Variants in GRID2 observed in about 807,000 individuals in gnomAD.
The protein encoded by GRID2 is glutamate ionotropic receptor delta type subunit 2, also known as glutamate receptor ionotropic, delta-2.
GRID2 carries 33 observed loss-of-function variants against 114.8 expected under a neutral mutation model. The ratio of observed to expected loss-of-function variants is 0.29; its 90% CI spans 0.22 to 0.38. The LOEUF is 0.38. Ranked by LOEUF, GRID2 falls within the 10% of genes least tolerant of loss-of-function variation. The pLI is 1.00. For synonymous variants in GRID2, 505 were observed against 449.9 expected (o/e 1.12, Z -1.55); for missense variants, 1,184 against 1,257.7 (o/e 0.94, Z 0.89).
At chr4:93,068,598 A>C (rs1355775701) in intron 2 of GRID2, among the ~76,000 whole-genome samples, 3 of 152,020 alleles carry the variant, frequency 2.0e-5, no homozygotes, top group Non-Finnish European at 4.4e-5. Flanking sequence ...AGGGAAGAGA[A>C]TGTCTTCATC....
intron 2 of GRID2, among the ~76,000 whole-genome samples, chr4:93,076,849 C>T (rs918061118): frequency 2.0e-5 from 3 of 151,926 alleles, no homozygotes; most frequent in African/African-American, 7.3e-5. Context: ...AACTCCTGAC[C>T]TCAAGTGATC....
At chr4:92,982,504 C>A (rs543506322) in intron 2 of GRID2, among the ~76,000 whole-genome samples, 2 of 152,106 alleles carry the variant, frequency 1.3e-5, no homozygotes, top group Non-Finnish European at 2.9e-5. Flanking sequence ...TTCACACTTC[C>A]CATTTTATCA....
At chr4:92,781,925 C>T (rs894642979) in intron 2 of GRID2, among the ~76,000 whole-genome samples, 2 of 151,898 alleles carry the variant, frequency 1.3e-5, no homozygotes, top group Non-Finnish European at 2.9e-5. Flanking sequence ...ACAAATGATA[C>T]ACTGTATTGA....
intron 2 of GRID2, among the ~76,000 whole-genome samples, chr4:92,693,961 G>C (rs1734308333): frequency 6.6e-6 from 1 of 152,106 alleles, no homozygotes. Flanking sequence ...TAGGGGTTAA[G>C]AAATAAGGGA....
chr4:93,370,474 GAGAC>G (rs1301621659), intron 8 of GRID2, among the ~76,000 whole-genome samples: 2 of 134,596 alleles, frequency 1.5e-5, no homozygotes, highest in African/African-American at 2.9e-5. Context: ...CACGCACACA[GAGAC>G]ACACACACAC....
At chr4:93,136,814 T>C (rs1390506817) in intron 4 of GRID2, among the ~76,000 whole-genome samples, 1 of 152,104 alleles carries the variant, frequency 6.6e-6, no homozygotes, top group East Asian at 1.9e-4. Context: ...GACCAAGACA[T>C]CAGGGAGATA....
intron 2 of GRID2, among the ~76,000 whole-genome samples, chr4:92,927,506 T>A (rs1244514845): frequency 6.6e-6 from 1 of 151,704 alleles, no homozygotes. Flanking sequence ...TGGGTTGCAA[T>A]AACAAAAAAA....
intron 2 of GRID2, among the ~76,000 whole-genome samples, chr4:92,748,310 T>C (rs532908885): frequency 6.6e-6 from 1 of 152,256 alleles, no homozygotes; most frequent in Admixed American, 6.5e-5. Flanking sequence ...AAGGAATGTG[T>C]TGACTTCAAA....
chr4:93,466,763 A>T (rs1022791801), intron 11 of GRID2, among the ~76,000 whole-genome samples: 7 of 152,170 alleles, frequency 4.6e-5, no homozygotes, highest in Non-Finnish European at 7.4e-5. Context: ...CTCCTACCTC[A>T]GTATCAATAC....
At chr4:93,492,678 G>C (rs538710708) in intron 12 of GRID2, among the ~76,000 whole-genome samples, 25 of 151,906 alleles carry the variant, frequency 1.6e-4, no homozygotes, top group African/African-American at 6.0e-4. Flanking sequence ...CTACCATTCA[G>C]GGTAAGACTT....
chr4:92,917,428 C>A (rs928358471), intron 2 of GRID2, among the ~76,000 whole-genome samples: 1 of 152,122 alleles, frequency 6.6e-6, no homozygotes, highest in Non-Finnish European at 1.5e-5. Context: ...GACATGAAGT[C>A]CTTGCCCATG....
chr4:92,867,387 CA>C (rs1744944858), intron 2 of GRID2, among the ~76,000 whole-genome samples: 2 of 151,992 alleles, frequency 1.3e-5, no homozygotes, highest in Non-Finnish European at 2.9e-5. Context: ...CAAACACCAC[CA>C]AGAGCAGTGT....
intron 2 of GRID2, among the ~76,000 whole-genome samples, chr4:92,733,701 A>G (rs1321334762): frequency 2.6e-5 from 4 of 152,068 alleles, no homozygotes; most frequent in Admixed American, 6.6e-5. Context: ...GCACTTATCA[A>G]TCAAGGGGTT....
chr4:92,990,026 C>T (rs1754768508), intron 2 of GRID2, among the ~76,000 whole-genome samples: 2 of 152,020 alleles, frequency 1.3e-5, no homozygotes, highest in Admixed American at 1.3e-4. Context: ...TAGCACTTGT[C>T]TGGCTTTGGA....
intron 10 of GRID2, among the ~76,000 whole-genome samples, chr4:93,430,199 G>A (rs1769270251): frequency 6.6e-6 from 1 of 151,948 alleles, no homozygotes; most frequent in Non-Finnish European, 1.5e-5. Context: ...TATTTATTTA[G>A]AGATGGAGTC....
intron 2 of GRID2, among the ~76,000 whole-genome samples, chr4:92,788,704 C>A (rs932335458): frequency 2.6e-4 from 39 of 151,800 alleles, no homozygotes; most frequent in Admixed American, 1.9e-3. Flanking sequence ...AACACTTTTT[C>A]ATATGTTTAT....
At chr4:93,695,041 G>C (rs934941200) in intron 14 of GRID2, among the ~76,000 whole-genome samples, 5 of 151,950 alleles carry the variant, frequency 3.3e-5, no homozygotes, top group African/African-American at 4.8e-5. Context: ...CATGGTGGCG[G>C]GCGCCATTAG....
chr4:92,547,625 T>A (rs545087471), intron 1 of GRID2, among the ~76,000 whole-genome samples: 67 of 152,218 alleles, frequency 4.4e-4, no homozygotes, highest in Non-Finnish European at 7.4e-4. Context: ...AATACAGGAC[T>A]TATATTGTTA....
In GRID2 at chr4:93,619,473, T is replaced by A. The variant is rs551563387; in HGVS notation, c.2194-6796T>A. 2.0e-5 allele frequency among the ~76,000 whole-genome samples: 3 copies of A among 152,336 alleles called. No individual in the cohort carries two copies. The South Asian group carries it at 6.2e-4, about 32-fold the overall frequency. On this transcript the variant is annotated intron_variant, in intron 13 of 15. Transcript: ENST00000282020. ...GATTCACAATCACATTATCCCCCAC[T>A]GACCATTAGTTAAAATTGGAAAGAA...
Sources: gnomAD v4.1 joint callset for allele counts (sites outside exome capture counted in the v4.1 genomes callset) on GRCh38, gnomAD v4.1.1 for gene constraint, MANE v1.5 for transcripts, NCBI Gene and HGNC (gene_info 2026-07-23, HGNC 2026-07-21) for gene names.